The following FARS2 variants were observed in gnomAD, a reference collection of about 807,000 sequenced individuals.
FARS2 encodes phenylalanyl-tRNA synthetase 2, mitochondrial.
A neutral mutation model predicts 46.4 loss-of-function variants in FARS2; 40 were observed. That is an observed-to-expected ratio of 0.86 (90% CI 0.67 to 1.12). The LOEUF (loss-of-function observed/expected upper bound fraction) is 1.12, where lower values mean the gene tolerates loss of function less well. FARS2 is among the 50% of genes most tolerant of loss of function. The pLI, the probability that FARS2 is intolerant of heterozygous loss-of-function variation, is 0.00. For missense variants in FARS2, 513 were observed against 567.9 expected (o/e 0.90, Z 0.98); for synonymous variants, 234 against 214.9 (o/e 1.09, Z -0.78).
At chr6:5,534,844 T>TACACACTTGCACGCGCACACACAC (rs1554106114) in intron 4 of FARS2, among the ~76,000 whole-genome samples, 8 of 150,632 alleles carry the variant, frequency 5.3e-5, no homozygotes, top group African/African-American at 9.9e-5. Context: ...CACGCACGCA[T>TACACACTTGCACGCGCACACACAC]ACACACTTGC....
chr6:5,272,196 T>C (rs947489348), intron 1 of FARS2, among the ~76,000 whole-genome samples: 15 of 152,192 alleles, frequency 9.9e-5, no homozygotes, highest in African/African-American at 3.6e-4. Context: ...ATTTTCGTTA[T>C]GGATAGATGA....
intron 4 of FARS2, among the ~76,000 whole-genome samples, chr6:5,520,663 C>A (rs1384809133): frequency 6.6e-6 from 1 of 152,090 alleles, no homozygotes; most frequent in African/African-American, 2.4e-5. Flanking sequence ...TTTTCATTGT[C>A]AAACTGACAC....
chr6:5,254,233 A>G, the FARS2 span, among the ~76,000 whole-genome samples: 1 of 152,196 alleles, frequency 6.6e-6, no homozygotes, highest in Admixed American at 6.5e-5. Flanking sequence ...AGTTGAACGA[A>G]TTGGCCTCAT....
intron 6 of FARS2, among the ~76,000 whole-genome samples, chr6:5,708,401 A>G (rs1758900257): frequency 6.6e-6 from 1 of 152,192 alleles, no homozygotes; most frequent in Non-Finnish European, 1.5e-5. Context: ...AGGAAGTCCT[A>G]CATGATCAGT....
At chr6:5,750,438 G>A (rs1761882124) in intron 6 of FARS2, among the ~76,000 whole-genome samples, 1 of 152,156 alleles carries the variant, frequency 6.6e-6, no homozygotes, top group African/African-American at 2.4e-5. Flanking sequence ...CTGGACAATG[G>A]AGATATTTTC....
intron 6 of FARS2, among the ~76,000 whole-genome samples, chr6:5,697,496 A>G (rs1429828872): frequency 6.6e-6 from 1 of 152,084 alleles, no homozygotes; most frequent in Non-Finnish European, 1.5e-5. Flanking sequence ...TTGGGCTCTA[A>G]TTTTTTCATT....
chr6:5,741,921 G>C (rs9968983), intron 6 of FARS2, among the ~76,000 whole-genome samples: 1 of 152,178 alleles, frequency 6.6e-6, no homozygotes, highest in Non-Finnish European at 1.5e-5. Context: ...CAAAGTGCTG[G>C]GATTACAGGC....
chr6:5,401,192 A>G (rs1273210319), intron 2 of FARS2, among the ~76,000 whole-genome samples: 1 of 152,114 alleles, frequency 6.6e-6, no homozygotes, highest in African/African-American at 2.4e-5. Context: ...GAACTTTATC[A>G]TAATATATTG....
At chr6:5,516,178 G>T (rs1768777737) in intron 4 of FARS2, among the ~76,000 whole-genome samples, 1 of 152,196 alleles carries the variant, frequency 6.6e-6, no homozygotes, top group African/African-American at 2.4e-5. Context: ...CAGAAGCATG[G>T]AATCGTCACA....
At chr6:5,379,432 T>C (rs1232001903) in intron 2 of FARS2, among the ~76,000 whole-genome samples, 5 of 152,166 alleles carry the variant, frequency 3.3e-5, no homozygotes, top group Non-Finnish European at 7.4e-5. Context: ...AGAACTTGGG[T>C]AATCAGGGAT....
At chr6:5,557,228 G>A (rs1202197434) in intron 5 of FARS2, among the ~76,000 whole-genome samples, 3 of 152,120 alleles carry the variant, frequency 2.0e-5, no homozygotes, top group African/African-American at 7.3e-5. Context: ...TCAACCAAGA[G>A]AAGACCCAGC....
chr6:5,323,066 CTG>C (rs1370104745), intron 1 of FARS2, among the ~76,000 whole-genome samples: 20 of 152,196 alleles, frequency 1.3e-4, no homozygotes, highest in African/African-American at 4.3e-4. Context: ...ACAATTAAAT[CTG>C]TGTTTTCAGG....
At chr6:5,753,784 G>T (rs1762070843) in intron 6 of FARS2, among the ~76,000 whole-genome samples, 1 of 152,160 alleles carries the variant, frequency 6.6e-6, no homozygotes, top group African/African-American at 2.4e-5. Context: ...TTCAGAGAGA[G>T]ACTCACCGGC....
chr6:5,500,257 A>G (rs1365308129), intron 4 of FARS2, among the ~76,000 whole-genome samples: 1 of 152,180 alleles, frequency 6.6e-6, no homozygotes, highest in African/African-American at 2.4e-5. Context: ...GTACAGTGAG[A>G]AATTCTGGTA....
intron 5 of FARS2, chr6:5,609,897 G>A: frequency 9.8e-7 from 1 of 1,015,886 alleles, no homozygotes; most frequent in Non-Finnish European, 1.5e-6. Context: ...TCACAGTTAA[G>A]TGGGCATCTG....
intron 1 of FARS2, among the ~76,000 whole-genome samples, chr6:5,340,537 A>T (rs1771482581): frequency 6.6e-6 from 1 of 152,372 alleles, no homozygotes; most frequent in African/African-American, 2.4e-5. Flanking sequence ...ATTTTCCTTA[A>T]AAATCAATCA....
intron 4 of FARS2, chr6:5,467,167 T>G: frequency 4.0e-6 from 3 of 740,830 alleles, no homozygotes; most frequent in Non-Finnish European, 4.9e-6. Context: ...TATCTGTGGT[T>G]TACATTTTTT....
At chr6:5,337,832 G>A (rs1451195723) in intron 1 of FARS2, among the ~76,000 whole-genome samples, 1 of 152,090 alleles carries the variant, frequency 6.6e-6, no homozygotes, top group African/African-American at 2.4e-5. Flanking sequence ...GAAATGATTG[G>A]CTGTAAAGTG....
At chr6:5,603,945 A>G (rs1056017819) in intron 5 of FARS2, among the ~76,000 whole-genome samples, 1 of 152,120 alleles carries the variant, frequency 6.6e-6, no homozygotes, top group Non-Finnish European at 1.5e-5. Context: ...TGCAGCTCAG[A>G]GGTTTTATAT....
Sources: allele counts gnomAD v4.1 joint callset (sites outside exome capture counted in the v4.1 genomes callset), GRCh38; gene constraint gnomAD v4.1.1; transcripts MANE v1.5; gene names NCBI Gene and HGNC (gene_info 2026-07-23, HGNC 2026-07-21).